The following ZNF236 variants were observed in gnomAD, a reference collection of about 807,000 sequenced individuals.
The protein encoded by ZNF236 is regulated by glucose.
A neutral mutation model predicts 191.2 loss-of-function variants in ZNF236; 50 were observed. The observed-to-expected ratio is 0.26, with a 90% CI of 0.21 to 0.33. ZNF236 has a LOEUF of 0.33. Among genes scored for constraint, ZNF236 ranks in the 10% least tolerant of loss-of-function variants. ZNF236 has a pLI of 1.00. For missense variants in ZNF236, 1,754 were observed against 2,374.5 expected (o/e 0.74, Z 5.43); for synonymous variants, 907 against 928.8 (o/e 0.98, Z 0.43).
intron 1 of ZNF236, among the ~76,000 whole-genome samples, chr18:76,835,879 A>G (rs1975309631): frequency 6.6e-6 from 1 of 151,870 alleles, no homozygotes; most frequent in Non-Finnish European, 1.5e-5. Flanking sequence ...AATGTCATTT[A>G]TACCTCTCCA....
Position 76,972,090 on chromosome 18 carries a change from C to T in ZNF236, c.*3751C>T, listed in dbSNP as rs894591887. Among the ~76,000 whole-genome samples, 3 of 152,218 alleles carry T rather than the reference C, an allele frequency of 2.0e-5. No individual in the cohort carries two copies. The highest frequency in any genetic ancestry group is 2.1e-4 in the South Asian group (1 of 4,834). On this transcript the variant is annotated 3_prime_UTR_variant, in exon 31 of 31. Transcript: ENST00000320610. ...TGTCACTTAATCTGTGTTCACGTAACTTAGGCACTTTGGATTTTTTAGAAT... is the reference window on the plus strand; with the variant it reads ...TGTCACTTAATCTGTGTTCACGTAATTTAGGCACTTTGGATTTTTTAGAAT...
chr18:76,844,333 A>G (rs1422295502), intron 1 of ZNF236, among the ~76,000 whole-genome samples: 5 of 151,910 alleles, frequency 3.3e-5, no homozygotes, highest in African/African-American at 1.2e-4. Flanking sequence ...CAGGTGTTCC[A>G]GGCATACTTC....
At chr18:76,901,143 T>A (rs987209722) in intron 11 of ZNF236, among the ~76,000 whole-genome samples, 1 of 152,116 alleles carries the variant, frequency 6.6e-6, no homozygotes, top group African/African-American at 2.4e-5. Flanking sequence ...TTAATACATA[T>A]AATGGAATTG....
In ZNF236 at chr18:76,960,806, G is replaced by T. The variant is rs188120985; in HGVS notation, c.5370G>T (p.Thr1790=). The T allele has an allele frequency of 1.2e-5, 20 of 1,614,098 alleles. No homozygotes were observed. The East Asian group carries it at 2.9e-4, about 23-fold the overall frequency. Residue 1790 remains threonine (T), a synonymous_variant, in exon 30 of 31, where the codon ACG becomes ACT. Coordinates refer to ENST00000320610, the MANE Select transcript of ZNF236 (RefSeq NM_001306089.2). The surrounding 1 kb of genome is among the most constrained non-coding windows in gnomAD (Gnocchi z 4.4). ...GTGCCTACTGCGTCATGGGCTTCAC[G>T]CAGAAGAGCAACATGAAGCTGCACA... ...YKCAYCVMGF[T]QKSNMKLHMK...
Position 76,846,490 on chromosome 18 carries a change from C to G in ZNF236, c.56-3036C>G, listed in dbSNP as rs536076349. ...TTCCACAGAGCGAAGGGAACTGGCTCCCTGTACAAAGGTGTGCCCCTAGGT... is the reference window on the plus strand; with the variant it reads ...TTCCACAGAGCGAAGGGAACTGGCTGCCTGTACAAAGGTGTGCCCCTAGGT... On this transcript the variant is annotated intron_variant, in intron 1 of 30. Coordinates refer to ENST00000320610, the MANE Select transcript of ZNF236 (RefSeq NM_001306089.2). 2.0e-5 allele frequency among the ~76,000 whole-genome samples: 3 copies of G among 152,296 alleles called. No homozygotes were observed. The South Asian group carries it at 6.2e-4, about 32-fold the overall frequency.
intron 3 of ZNF236, among the ~76,000 whole-genome samples, chr18:76,866,520 G>C (rs1340909106): frequency 6.6e-6 from 1 of 152,216 alleles, no homozygotes; most frequent in East Asian, 1.9e-4. Context: ...GGTTGGACAG[G>C]AGAGCAGCCT....
chr18:76,934,800 A>G (rs1442488661), intron 25 of ZNF236, among the ~76,000 whole-genome samples: 6 of 152,180 alleles, frequency 3.9e-5, no homozygotes, highest in Non-Finnish European at 1.5e-5. Context: ...GTCTTCCCAC[A>G]TTTCAGTTAA....
intron 25 of ZNF236, 146 bp from the exon 26 acceptor site, chr18:76,937,010 G>T (rs934342610): frequency 3.2e-6 from 2 of 624,274 alleles, no homozygotes; most frequent in Non-Finnish European, 5.6e-6. Context: ...AATTAGAATT[G>T]AAGACCCTGT....
At chr18:76,932,915 G>A (rs988906511) in intron 25 of ZNF236, among the ~76,000 whole-genome samples, 3 of 152,182 alleles carry the variant, frequency 2.0e-5, no homozygotes, top group African/African-American at 4.8e-5. Context: ...AGCTGCCCGC[G>A]TTTCTTTAAA....
intron 1 of ZNF236, among the ~76,000 whole-genome samples, chr18:76,825,732 AG>A (rs1439728038): frequency 1.3e-5 from 2 of 152,236 alleles, no homozygotes; most frequent in Non-Finnish European, 2.9e-5. Context: ...AAACATCAAT[AG>A]ATATAACTTA....
At chr18:76,899,747 G>C (rs1451546011) in intron 11 of ZNF236, among the ~76,000 whole-genome samples, 1 of 152,176 alleles carries the variant, frequency 6.6e-6, no homozygotes, top group East Asian at 1.9e-4. Flanking sequence ...CTGCTTGTTA[G>C]AATCTTTAGA....
intron 18 of ZNF236, among the ~76,000 whole-genome samples, chr18:76,914,510 C>T (rs916526467): frequency 6.6e-6 from 1 of 152,092 alleles, no homozygotes; most frequent in East Asian, 1.9e-4. Flanking sequence ...GACAGCCCAC[C>T]GTAGCGTGGG....
At chr18:76,859,998 G>A (rs1204236142) in intron 3 of ZNF236, among the ~76,000 whole-genome samples, 2 of 152,162 alleles carry the variant, frequency 1.3e-5, no homozygotes, top group African/African-American at 4.8e-5. Flanking sequence ...TGGGCTGGGC[G>A]GGGGTATGGT....
chr18:76,968,858 A>G lies in ZNF236; in HGVS notation c.*519A>G, dbSNP rs1227182727. 3.0e-6 allele frequency: 3 copies of G among 987,470 alleles called. No homozygotes were observed. Among genetic ancestry groups the G allele is most frequent in the South Asian group, 4.7e-5 (1 of 21,462 alleles). 61.2% of individuals were successfully genotyped at this position (987,470 alleles called of 1,614,324 possible). A position where few individuals can be genotyped will look rare whatever the true frequency, so the allele number is the denominator to read the frequency against. ...CTGTGCATTTTGAAAATTAGTCAAA[A>G]TGGACTCTTTTCAGTCTACCATAAG... On this transcript the variant is annotated 3_prime_UTR_variant, in exon 31 of 31. Coordinates refer to ENST00000320610, the MANE Select transcript of ZNF236 (RefSeq NM_001306089.2).
intron 1 of ZNF236, among the ~76,000 whole-genome samples, chr18:76,842,597 C>T (rs1196383169): frequency 2.0e-5 from 3 of 151,648 alleles, no homozygotes; most frequent in South Asian, 2.1e-4. Flanking sequence ...ACTAAAAATA[C>T]AAAATTAGCT....
intron 30 of ZNF236, among the ~76,000 whole-genome samples, chr18:76,962,453 A>T (rs901598766): frequency 2.0e-5 from 3 of 152,166 alleles, no homozygotes; most frequent in African/African-American, 7.2e-5. Flanking sequence ...TGTTTTGGTG[A>T]CTATGACCTT....
rs995573776 is a variant in ZNF236, at chr18:76,875,290, G to A, written c.668-202G>A. ...TTGCCTGGGGAAGCCCACAGGTGGA[G>A]CAGTTTGCGAGATGGTCAAGTGCAG... On this transcript the variant is annotated intron_variant, in intron 5 of 30. Coordinates refer to ENST00000320610, the MANE Select transcript of ZNF236 (RefSeq NM_001306089.2). This position sits in a 1 kb window ranked among gnomAD's most constrained non-coding sequence, Gnocchi z 4.3. Among the ~76,000 whole-genome samples the A allele has an allele frequency of 6.6e-6, 1 of 152,158 alleles. No individual in the cohort carries two copies. The highest frequency in any genetic ancestry group is 2.4e-5 in the African/African-American group (1 of 41,440).
chr18:76,925,089 T>G lies in ZNF236; in HGVS notation c.3662-100T>G. The G allele has an allele frequency of 6.6e-7, 1 of 1,509,832 alleles. No homozygotes were observed. Among genetic ancestry groups the G allele is most frequent in the Non-Finnish European group, 8.9e-7 (1 of 1,128,676 alleles). 93.5% of individuals were successfully genotyped at this position (1,509,832 alleles called of 1,614,324 possible). ...TTCTCATTAAAGTACTTCCATCCAC[T>G]GATTCAACATATTTACATCCATAGT... On this transcript the variant is annotated intron_variant, in intron 21 of 30. Transcript: ENST00000320610. This position sits in a 1 kb window ranked among gnomAD's most constrained non-coding sequence, Gnocchi z 5.7.
In ZNF236 at chr18:76,895,194, G is replaced by A. The variant is rs1167042473; in HGVS notation, c.1599G>A (p.Thr533=). 5 of 1,603,544 alleles carry A rather than the reference G, an allele frequency of 3.1e-6. No homozygotes were observed. Among genetic ancestry groups the A allele is most frequent in the Non-Finnish European group, 1.7e-6 (2 of 1,179,964 alleles). Residue 533 remains threonine, a synonymous_variant, in exon 10 of 31, where the codon ACG becomes ACA. Transcript: ENST00000320610. Reference sequence around the variant, plus strand: ...GCACGCTGACAGCGCACATCAAGACGCACACCGGCATCAAGGCGTTCAAGT... The same window carrying A: ...GCACGCTGACAGCGCACATCAAGACACACACCGGCATCAAGGCGTTCAAGT... The part of the protein sequence containing the change: ...VKSTLTAHIK[T]HTGIKAFKCQ...
Sources: gnomAD v4.1 joint callset for allele counts (sites outside exome capture counted in the v4.1 genomes callset) on GRCh38, gnomAD v4.1.1 for gene constraint, Gnocchi (gnomAD v3.1) non-coding constraint, MANE v1.5 for transcripts, NCBI Gene and HGNC (gene_info 2026-07-23, HGNC 2026-07-21) for gene names.